SAP30L: variants seen among roughly 807,000 people sequenced by gnomAD.
SAP30L encodes the protein SAP30 like.
In SAP30L, 10 loss-of-function variants were observed where a neutral mutation model predicts 22.3. The ratio of observed to expected loss-of-function variants is 0.45; its 90% confidence interval spans 0.28 to 0.76. SAP30L has a LOEUF of 0.76. SAP30L is among the 30% of genes least tolerant of loss of function. The pLI is 0.14. For missense variants in SAP30L, 206 were observed against 237.9 expected, an observed-to-expected ratio of 0.87 and a Z score of 0.88; for synonymous variants, 91 against 94.1, an observed-to-expected ratio of 0.97 and a Z score of 0.19.
rs1461676520 is a variant in SAP30L at position 154,446,621 on chromosome 5, CGGA to C, written c.24_26del (p.Glu8del). 6 of 1,513,222 alleles carry C rather than the reference CGGA, an allele frequency of 4.0e-6. No individual in the cohort carries two copies. Among genetic ancestry groups the C allele is most frequent in the Admixed American group, 2.1e-5 (1 of 47,386 alleles). The allele number at this position is 1,513,222 out of a possible 1,614,324, so 93.7% of individuals were successfully genotyped here. A position where few individuals can be genotyped will look rare whatever the true frequency, so the allele number is the denominator to read the frequency against. On this transcript the variant is annotated inframe_deletion, in exon 1 of 4. Transcript: ENST00000297109. ...GGCGGGGAGATGAACGGCTTCAGCACGGAGGAGGACAGCCGCGAAGGGCCCCCC... is the reference window on the plus strand; with the variant it reads ...GGCGGGGAGATGAACGGCTTCAGCACGGAGGACAGCCGCGAAGGGCCCCCC...
chr5:154,451,053 A>T, intron 1 of SAP30L, 38 bp from the exon 2 acceptor site: 1 of 1,613,292 alleles, frequency 6.2e-7, no homozygotes, highest in Non-Finnish European at 8.5e-7. Flanking sequence ...GTCTCCAAGG[A>T]ATTGGCCAAC....
At chr5:154,454,952 C>T (rs1296914230) in intron 3 of SAP30L, among the ~76,000 whole-genome samples, 1 of 151,402 alleles carries the variant, frequency 6.6e-6, no homozygotes, top group Non-Finnish European at 1.5e-5. Flanking sequence ...CAGAGTCTTG[C>T]TCTATCTCCC....
chr5:154,455,078 C>T (rs771743250), intron 3 of SAP30L, among the ~76,000 whole-genome samples: 2 of 152,084 alleles, frequency 1.3e-5, no homozygotes, highest in South Asian at 2.1e-4. Flanking sequence ...TCACCACACC[C>T]GGCTAATCTT....
intron 2 of SAP30L, 66 bp downstream of exon 2, chr5:154,451,279 G>T (rs1757134340): frequency 2.0e-6 from 3 of 1,531,574 alleles, no homozygotes; most frequent in Admixed American, 2.1e-5. Context: ...CTCACCTCTG[G>T]CCTGGTCTGC....
chr5:154,446,513 C>G lies in SAP30L; in HGVS notation c.-92C>G. ...AGACGGACTCTGGGACCCTCGGCTG[C>G]GGGGGTCTCAGCGACCTGCCCCGCG... On this transcript the variant is annotated 5_prime_UTR_variant, in exon 1 of 4. Coordinates refer to ENST00000297109, the MANE Select transcript of SAP30L (RefSeq NM_024632.6). The G allele has an allele frequency of 9.2e-7, 1 of 1,084,204 alleles. No homozygotes were observed. The highest frequency in any genetic ancestry group is 1.2e-6 in the Non-Finnish European group (1 of 810,012). 67.2% of individuals were successfully genotyped at this position (1,084,204 alleles called of 1,614,324 possible). A position where few individuals can be genotyped will look rare whatever the true frequency, so the allele number is the denominator to read the frequency against.
chr5:154,446,574 TC>T lies in SAP30L; in HGVS notation c.-26del. 1 of 1,411,836 alleles carries T rather than the reference TC, an allele frequency of 7.1e-7. No individual in the cohort carries two copies. 87.5% of individuals were successfully genotyped at this position (1,411,836 alleles called of 1,614,324 possible). On this transcript the variant is annotated 5_prime_UTR_variant, in exon 1 of 4. Transcript: ENST00000297109. ...CCGCGGAGTGGCCTACCGGGGACCC[TC>T]CCCCAGAGGGACCGGCCCGGGGCGG...
rs767225744 is a variant in SAP30L at position 154,446,631 on chromosome 5, C to T, written c.27C>T (p.Asp9=). The part of the protein sequence containing the change: MNGFSTEE[D]SREGPPAAPA... Reference sequence around the variant, plus strand: ...TGAACGGCTTCAGCACGGAGGAGGACAGCCGCGAAGGGCCCCCCGCCGCCC... The same window carrying T: ...TGAACGGCTTCAGCACGGAGGAGGATAGCCGCGAAGGGCCCCCCGCCGCCC... The change falls in exon 1 of 4, where the codon GAC becomes GAT. Residue 9 remains aspartate (D), a synonymous_variant. Transcript: ENST00000297109. 1.3e-6 allele frequency: 2 copies of T among 1,525,904 alleles called. No individual in the cohort carries two copies. The highest frequency in any genetic ancestry group is 2.5e-5 in the South Asian group (2 of 80,942). The allele number at this position is 1,525,904 out of a possible 1,614,324, so 94.5% of individuals were successfully genotyped here. A position where few individuals can be genotyped will look rare whatever the true frequency, so the allele number is the denominator to read the frequency against.
chr5:154,452,082 A>G (rs1269383475), intron 2 of SAP30L, among the ~76,000 whole-genome samples: 1 of 152,232 alleles, frequency 6.6e-6, no homozygotes, highest in East Asian at 1.9e-4. Flanking sequence ...AGACTCAGCA[A>G]GAGAAGAACC....
rs1352928443 is a variant in SAP30L at position 154,455,798 on chromosome 5, C to T, written c.424-102C>T. 3.6e-6 allele frequency: 5 copies of T among 1,406,938 alleles called. No homozygotes were observed. The Admixed American group carries it at 9.8e-5, about 27-fold the overall frequency. The allele number at this position is 1,406,938 out of a possible 1,614,324, so 87.2% of individuals were successfully genotyped here. On this transcript the variant is annotated intron_variant, in intron 3 of 3. Transcript: ENST00000297109. ...AGTTCTTCAGCATTTGTCATTCCCG[C>T]CACAGCATGCAAACAACTCCATTCG...
In SAP30L at chr5:154,458,969, G is replaced by T. The variant is rs1757320003; in HGVS notation, c.*2941G>T. 1 of 152,232 alleles carries T rather than the reference G, an allele frequency of 6.6e-6. No individual in the cohort carries two copies. The highest frequency in any genetic ancestry group is 2.1e-4 in the South Asian group (1 of 4,830). The allele number at this position is 152,232 out of a possible 1,614,324, so 9.4% of individuals were successfully genotyped here. On this transcript the variant is annotated 3_prime_UTR_variant, in exon 4 of 4. Coordinates refer to ENST00000297109, the MANE Select transcript of SAP30L (RefSeq NM_024632.6). The stretch of plus-strand genomic sequence containing the variant: ...TTCCTGTCATAGCTAAATAGTCACT[G>T]CTAGCCTTTCAGAGAACAGATAGTA...
At chr5:154,447,952 CT>C (rs1219989822) in intron 1 of SAP30L, among the ~76,000 whole-genome samples, 238 of 115,448 alleles carry the variant, frequency 2.1e-3, no homozygotes, top group African/African-American at 7.4e-3. Context: ...TTTTTCTTTT[CT>C]TTTTTTTTTC....
intron 1 of SAP30L, among the ~76,000 whole-genome samples, chr5:154,447,605 AT>A (rs1257948573): frequency 6.6e-6 from 1 of 152,214 alleles, no homozygotes; most frequent in Admixed American, 6.5e-5. Flanking sequence ...GCCTTAAGTG[AT>A]TGCTTCATGA....
intron 1 of SAP30L, 122 bp from the exon 2 acceptor site, chr5:154,450,969 A>G: frequency 9.7e-7 from 1 of 1,036,046 alleles, no homozygotes; most frequent in South Asian, 1.4e-5. Context: ...GATGGCCTAC[A>G]TCTTGTCTTC....
chr5:154,453,115 T>C (rs563130307), intron 2 of SAP30L: 64 of 297,660 alleles, frequency 2.2e-4, no homozygotes, highest in Non-Finnish European at 3.5e-4. Context: ...TTTTCCCCTA[T>C]TCCCTACCGT....
In SAP30L at chr5:154,449,401, A is replaced by G. The variant is rs10042805; in HGVS notation, c.202-1690A>G. On this transcript the variant is annotated intron_variant, in intron 1 of 3. Transcript: ENST00000297109. ...ATGGCTTCATTTTACCCATTTAGAA[A>G]ACGGATTGGGGTCAATGGGATTGCA... Among the ~76,000 whole-genome samples the G allele has an allele frequency of 2.0e-3, 299 of 152,282 alleles. 2 individuals carry two copies. Among genetic ancestry groups the G allele is most frequent in the African/African-American group, 6.9e-3 (288 of 41,556 alleles).
Position 154,453,485 on chromosome 5 carries a change from G to A in SAP30L, c.408G>A (p.Lys136=). The change falls in exon 3 of 4, where the codon AAG becomes AAA. Residue 136 remains lysine, a synonymous_variant. Coordinates refer to ENST00000297109, the MANE Select transcript of SAP30L (RefSeq NM_024632.6). ...YKLQTRPGFN[K]AQLAETVSRH... Reference sequence around the variant, plus strand: ...TGCAGACCAGACCAGGCTTCAATAAGGCCCAGTTAGCAGAAGTAGGTAGAC... The same window carrying A: ...TGCAGACCAGACCAGGCTTCAATAAAGCCCAGTTAGCAGAAGTAGGTAGAC... 6.2e-7 allele frequency: 1 copy of A among 1,613,304 alleles called. No individual in the cohort carries two copies. Among genetic ancestry groups the A allele is most frequent in the Non-Finnish European group, 8.5e-7 (1 of 1,179,226 alleles).
chr5:154,446,579 C>A lies in SAP30L; in HGVS notation c.-26C>A, dbSNP rs926923277. On this transcript the variant is annotated 5_prime_UTR_variant, in exon 1 of 4. Transcript: ENST00000297109. ...GAGTGGCCTACCGGGGACCCTCCCC[C>A]AGAGGGACCGGCCCGGGGCGGGGAG... 4 of 1,443,330 alleles carry A rather than the reference C, an allele frequency of 2.8e-6. No homozygotes were observed. The highest frequency in any genetic ancestry group is 5.6e-5 in the East Asian group (2 of 35,818). 89.4% of individuals were successfully genotyped at this position (1,443,330 alleles called of 1,614,324 possible). A position where few individuals can be genotyped will look rare whatever the true frequency, so the allele number is the denominator to read the frequency against.
chr5:154,446,569 G>C lies in SAP30L; in HGVS notation c.-36G>C. The C allele has an allele frequency of 7.1e-7, 1 of 1,407,112 alleles. No individual in the cohort carries two copies. Among genetic ancestry groups the C allele is most frequent in the Non-Finnish European group, 9.2e-7 (1 of 1,083,338 alleles). The allele number at this position is 1,407,112 out of a possible 1,614,324, so 87.2% of individuals were successfully genotyped here. On this transcript the variant is annotated 5_prime_UTR_variant, in exon 1 of 4. Transcript: ENST00000297109. ...CGCGGCCGCGGAGTGGCCTACCGGGGACCCTCCCCCAGAGGGACCGGCCCG... is the reference window on the plus strand; with the variant it reads ...CGCGGCCGCGGAGTGGCCTACCGGGCACCCTCCCCCAGAGGGACCGGCCCG...
chr5:154,455,210 C>T (rs148278789), intron 3 of SAP30L, among the ~76,000 whole-genome samples: 2 of 152,016 alleles, frequency 1.3e-5, no homozygotes, highest in Non-Finnish European at 2.9e-5. Flanking sequence ...GAGCCACCAT[C>T]CCCAGCCTAA....
Sources: gnomAD v4.1 joint callset for allele counts (sites outside exome capture counted in the v4.1 genomes callset) on GRCh38, gnomAD v4.1.1 for gene constraint, MANE v1.5 for transcripts, NCBI Gene and HGNC (gene_info 2026-07-23, HGNC 2026-07-21) for gene names.